Variants in MAD1L1 observed in about 807,000 individuals in gnomAD.
The protein encoded by MAD1L1 is mitotic spindle assembly checkpoint protein MAD1.
A neutral mutation model predicts 96.9 loss-of-function variants in MAD1L1; 95 were observed. The observed-to-expected ratio is 0.98, with a 90% CI of 0.83 to 1.16. The LOEUF is 1.16. MAD1L1 is among the 50% of genes most tolerant of loss of function. The pLI, the probability that MAD1L1 is intolerant of heterozygous loss-of-function variation, is 0.00. For missense variants in MAD1L1, 1,007 were observed against 954.4 expected, an observed-to-expected ratio of 1.06 and a Z score of -0.73; for synonymous variants, 473 against 396.6, an observed-to-expected ratio of 1.19 and a Z score of -2.29.
At chr7:1,936,205 G>A (rs542624393) in intron 17 of MAD1L1, among the ~76,000 whole-genome samples, 2 of 152,356 alleles carry the variant, frequency 1.3e-5, no homozygotes, top group South Asian at 2.1e-4. Flanking sequence ...CAAAGGCCGT[G>A]GGCCTCATGT....
In MAD1L1 at chr7:1,837,867, G is replaced by GGT. The variant is rs1562441319; in HGVS notation, c.1999-21640_1999-21639insAC. Among the ~76,000 whole-genome samples, 7 of 151,822 alleles carry GGT rather than the reference G, an allele frequency of 4.6e-5. No homozygotes were observed. In the East Asian group the frequency reaches 1.4e-3, roughly 29 times the overall value. On this transcript the variant is annotated intron_variant, in intron 18 of 18. Coordinates refer to ENST00000265854, the MANE Select transcript of MAD1L1 (RefSeq NM_001013836.2). ...TGCCTTGATGGCCTCACGGGTGCGT[G>GGT]TATACAGATGGTAGCTCATCAATAA... is the stretch of plus-strand genomic sequence containing the variant.
intron 12 of MAD1L1, among the ~76,000 whole-genome samples, chr7:2,017,065 G>T (rs1362809627): frequency 1.3e-5 from 2 of 152,264 alleles, no homozygotes; most frequent in Non-Finnish European, 2.9e-5. Context: ...CTCCAGGCTA[G>T]CACTGGCTGG....
At chr7:2,157,592 G>A (rs530198377) in intron 10 of MAD1L1, among the ~76,000 whole-genome samples, 10 of 152,276 alleles carry the variant, frequency 6.6e-5, no homozygotes, top group African/African-American at 2.2e-4. Context: ...GACACCTCCC[G>A]AGAAGCCCTG....
chr7:1,982,484 C>T (rs1196008706), intron 14 of MAD1L1, among the ~76,000 whole-genome samples: 7 of 152,266 alleles, frequency 4.6e-5, no homozygotes, highest in Admixed American at 3.9e-4. Flanking sequence ...GCTGGGATTA[C>T]AGGCGTGAGC....
chr7:1,838,166 A>G (rs1201322598), intron 18 of MAD1L1, among the ~76,000 whole-genome samples: 1 of 152,150 alleles, frequency 6.6e-6, no homozygotes, highest in African/African-American at 2.4e-5. Context: ...AGGTTCACGG[A>G]CCCTCTAACC....
intron 10 of MAD1L1, among the ~76,000 whole-genome samples, chr7:2,199,064 T>C (rs988570580): frequency 6.6e-6 from 1 of 152,084 alleles, no homozygotes; most frequent in Non-Finnish European, 1.5e-5. Flanking sequence ...CCTGCCAGAG[T>C]GCACTGGGGC....
intron 12 of MAD1L1, among the ~76,000 whole-genome samples, chr7:2,059,615 G>A (rs1157480378): frequency 2.0e-5 from 3 of 150,356 alleles, no homozygotes; most frequent in Non-Finnish European, 4.4e-5. Context: ...GGGAAGCGTG[G>A]CCAGGGGAGA....
chr7:1,841,116 G>C (rs1783232317), intron 18 of MAD1L1, among the ~76,000 whole-genome samples: 1 of 152,228 alleles, frequency 6.6e-6, no homozygotes, highest in African/African-American at 2.4e-5. Flanking sequence ...TGGGGGTCCT[G>C]TTGGGCCTGA....
chr7:1,986,031 A>C (rs147125440), intron 14 of MAD1L1, among the ~76,000 whole-genome samples: 407 of 152,272 alleles, frequency 2.7e-3, no homozygotes, highest in African/African-American at 9.3e-3. Context: ...TTGCTCTAAC[A>C]CAAATGCATG....
intron 18 of MAD1L1, among the ~76,000 whole-genome samples, chr7:1,866,455 G>A (rs1784783361): frequency 2.3e-5 from 2 of 85,210 alleles, no homozygotes; most frequent in African/African-American, 1.2e-4. Context: ...ACAAAGGGCT[G>A]AAGCAAGAGA....
intron 11 of MAD1L1, among the ~76,000 whole-genome samples, chr7:2,106,400 G>A (rs34562358): frequency 8.1e-4 from 121 of 150,098 alleles, no homozygotes; most frequent in Non-Finnish European, 1.4e-3. Context: ...AGACGGCCAT[G>A]GTCACTCACT....
At chr7:1,917,879 G>GC (rs748854191) in intron 17 of MAD1L1, among the ~76,000 whole-genome samples, 115 of 152,196 alleles carry the variant, frequency 7.6e-4, no homozygotes, top group Non-Finnish European at 1.2e-3. Flanking sequence ...GGAAGACAAA[G>GC]CCCCCAGAGC....
chr7:2,075,438 G>C (rs1189133655), intron 11 of MAD1L1, among the ~76,000 whole-genome samples: 1 of 152,150 alleles, frequency 6.6e-6, no homozygotes, highest in African/African-American at 2.4e-5. Flanking sequence ...GTTCAATCCC[G>C]GCCTTTCTTC....
At chr7:1,873,696 G>A (rs1366972111) in intron 18 of MAD1L1, among the ~76,000 whole-genome samples, 1 of 152,078 alleles carries the variant, frequency 6.6e-6, no homozygotes, top group East Asian at 1.9e-4. Context: ...GGGGGAGTGG[G>A]CACCCCGGGT....
At chr7:2,137,348 C>A (rs896697541) in intron 11 of MAD1L1, among the ~76,000 whole-genome samples, 2 of 152,250 alleles carry the variant, frequency 1.3e-5, no homozygotes, top group African/African-American at 4.8e-5. Flanking sequence ...AAGGACAGAA[C>A]TGACCCAAGC....
At chr7:2,154,972 T>C (rs3800925) in intron 10 of MAD1L1, among the ~76,000 whole-genome samples, 41,926 of 151,290 alleles carry the variant, frequency 0.28, 6,663 homozygotes, top group African/African-American at 0.44. Context: ...CCAAGCGGGG[T>C]GGGGAGGAGG....
chr7:2,225,471 C>T lies in MAD1L1; in HGVS notation c.230G>A (p.Ser77Asn), dbSNP rs1314258020. ...CAGCTCCACTCGAGCCCTCTTGTGA[C>T]TCAGCTCCATCTGCATTTTCTCCCG... ...VEREKMQMEL[S>N]HKRARVELER... Residue 77 changes from serine to asparagine, a missense_variant, in exon 4 of 19, where the codon AGT becomes AAT. Coordinates refer to ENST00000265854, the MANE Select transcript of MAD1L1 (RefSeq NM_001013836.2). 3 of 1,614,210 alleles carry T rather than the reference C, an allele frequency of 1.9e-6. No homozygotes were observed. The highest frequency in any genetic ancestry group is 2.5e-6 in the Non-Finnish European group (3 of 1,180,042).
chr7:1,838,485 C>T (rs1200689471), intron 18 of MAD1L1: 2 of 314,608 alleles, frequency 6.4e-6, no homozygotes, highest in Non-Finnish European at 1.3e-5. Context: ...CACACTAGAC[C>T]GTATGATTCA....
intron 11 of MAD1L1, among the ~76,000 whole-genome samples, chr7:2,137,749 C>T (rs945882762): frequency 2.6e-5 from 4 of 152,174 alleles, no homozygotes; most frequent in East Asian, 1.9e-4. Context: ...GATCCACAAC[C>T]GGAACAGAAA....
Sources: gnomAD v4.1 joint callset for allele counts (sites outside exome capture counted in the v4.1 genomes callset) on GRCh38, gnomAD v4.1.1 for gene constraint, MANE v1.5 for transcripts, NCBI Gene and HGNC (gene_info 2026-07-23, HGNC 2026-07-21) for gene names.